Variants in TMCO6 observed in about 807,000 individuals in gnomAD.
TMCO6 encodes the protein transmembrane and coiled-coil domains 6.
Under a neutral mutation model 61.8 loss-of-function variants are expected in TMCO6, and 47 were observed. The ratio of observed to expected loss-of-function variants is 0.76; its 90% CI spans 0.60 to 0.97. The LOEUF (loss-of-function observed/expected upper bound fraction) is 0.97. TMCO6 is among the 50% of genes least tolerant of loss of function. TMCO6 has a pLI of 0.00. For synonymous variants in TMCO6, 261 were observed against 254.2 expected, an observed-to-expected ratio of 1.03 and a Z score of -0.25; for missense variants, 557 against 601.6, an observed-to-expected ratio of 0.93 and a Z score of 0.78.
At chr5:140,605,692 AACACACACACACACACAC>A in the TMCO6 span, among the ~76,000 whole-genome samples, 4,512 of 118,664 alleles carry the variant, frequency 0.038, 228 homozygotes, top group African/African-American at 0.12. Context: ...AAAAAAACAA[AACACACACACACACACAC>A]ACACACACAC....
the TMCO6 span, chr5:140,632,417 C>T: frequency 4.3e-6 from 7 of 1,614,210 alleles, no homozygotes; most frequent in Non-Finnish European, 5.9e-6. The surrounding 1 kb of genome is among the most constrained non-coding windows in gnomAD (Gnocchi z 6.2). Flanking sequence ...AGGCGCGAAC[C>T]TGTTCGCAGG....
the TMCO6 span, among the ~76,000 whole-genome samples, chr5:140,607,167 A>G: frequency 6.6e-6 from 1 of 151,982 alleles, no homozygotes; most frequent in Non-Finnish European, 1.5e-5. Flanking sequence ...CTAAACAGAA[A>G]CTCTGTACCC....
the TMCO6 span, among the ~76,000 whole-genome samples, chr5:140,606,625 C>G: frequency 6.6e-6 from 1 of 152,064 alleles, no homozygotes; most frequent in Non-Finnish European, 1.5e-5. Flanking sequence ...TATAATGGAG[C>G]AGAAAAATCT....
In TMCO6 at chr5:140,641,693, G is replaced by C; in HGVS notation, c.227G>C (p.Arg76Pro). The C allele has an allele frequency of 1.9e-6, 3 of 1,614,108 alleles. No homozygotes were observed. The highest frequency in any genetic ancestry group is 2.5e-6 in the Non-Finnish European group (3 of 1,180,022). Reference protein sequence around the residue: ...EVQQFLRQAQRGTEEKEREGA... With the variant: ...EVQQFLRQAQPGTEEKEREGA... Reference sequence around the variant, plus strand: ...CAGCAGTTCCTGCGGCAAGCCCAGCGGGGGACAGAGGAAAAGGAGAGAGAG... The same window carrying C: ...CAGCAGTTCCTGCGGCAAGCCCAGCCGGGGACAGAGGAAAAGGAGAGAGAG... Residue 76 changes from arginine (R) to proline (P), a missense_variant, in exon 3 of 12, where the codon CGG (arginine) becomes CCG (proline). Physicochemically the swap from Arg to Pro is moderately radical, Grantham distance 103. Coordinates refer to ENST00000394671, the MANE Select transcript of TMCO6 (RefSeq NM_018502.5).
chr5:140,633,088 G>A, the TMCO6 span: 2 of 1,614,016 alleles, frequency 1.2e-6, no homozygotes, highest in Admixed American at 3.3e-5. Context: ...TAAGTCTTCC[G>A]AACCTCTGAG....
chr5:140,605,809 T>G, the TMCO6 span, among the ~76,000 whole-genome samples: 1 of 152,140 alleles, frequency 6.6e-6, no homozygotes, highest in Non-Finnish European at 1.5e-5. Context: ...TAAGTCTTTT[T>G]AATATTTGGT....
chr5:140,632,730 G>A, the TMCO6 span: 3 of 1,613,568 alleles, frequency 1.9e-6, no homozygotes, highest in Non-Finnish European at 2.5e-6. The surrounding 1 kb of genome is among the most constrained non-coding windows in gnomAD (Gnocchi z 6.2). Flanking sequence ...AGCCTTGACC[G>A]TGTCAGCATA....
chr5:140,630,546 T>A, the TMCO6 span, among the ~76,000 whole-genome samples: 252 of 152,314 alleles, frequency 1.7e-3, no homozygotes, highest in Non-Finnish European at 2.3e-3. Flanking sequence ...ATTTCAGGCT[T>A]TAGCACAAGG....
chr5:140,614,889 C>T, the TMCO6 span, among the ~76,000 whole-genome samples: 1 of 152,180 alleles, frequency 6.6e-6, no homozygotes, highest in Admixed American at 6.5e-5. Context: ...GCATGAGCCA[C>T]CTCGCCCAGC....
At chr5:140,647,387 G>A (rs1581476251), downstream of TMCO6, 1 of 1,611,080 alleles carries the variant, frequency 6.2e-7, no homozygotes. Context: ...AGAGCGCCGC[G>A]CGTGCTGTGG....
chr5:140,620,874 G>A, the TMCO6 span, among the ~76,000 whole-genome samples: 159 of 152,144 alleles, frequency 1.0e-3, 1 homozygote, highest in Middle Eastern at 3.4e-3. Flanking sequence ...TTAGCCAGGC[G>A]TGGTGACATG....
chr5:140,641,392 T>A, intron 2 of TMCO6: 1 of 413,412 alleles, frequency 2.4e-6, no homozygotes, highest in South Asian at 3.1e-5. Context: ...AAGAACCCTG[T>A]ATGAAGGCAG....
chr5:140,635,624 T>C (rs997079602), upstream of TMCO6, among the ~76,000 whole-genome samples: 4 of 152,124 alleles, frequency 2.6e-5, no homozygotes, highest in Non-Finnish European at 5.9e-5. Flanking sequence ...CTAGGGTTGG[T>C]AGAAAGCCCT....
chr5:140,642,061 C>T lies in TMCO6; in HGVS notation c.498+8C>T. 3.1e-6 allele frequency: 5 copies of T among 1,592,850 alleles called. No homozygotes were observed. The highest frequency in any genetic ancestry group is 1.1e-5 in the South Asian group (1 of 90,434). On this transcript the variant is annotated splice_region_variant and intron_variant, in intron 4 of 11. Transcript: ENST00000394671. ...CACAGCTCAGACTTCATAGTAAGCC[C>T]TGTCCCTTCCTATCTTGTTCTTGGT...
chr5:140,599,304 G>T, the TMCO6 span, among the ~76,000 whole-genome samples: 2 of 152,126 alleles, frequency 1.3e-5, no homozygotes, highest in African/African-American at 4.8e-5. Context: ...CTTCTATTGG[G>T]CATTGATATG....
rs1757079643 is a variant in TMCO6, at chr5:140,642,165, A to G, written c.498+112A>G. ...AGAAAACATGTTTGCCCTTATGCCT[A>G]CAGCCATGGCTACACCCATCATCTC... On this transcript the variant is annotated intron_variant, in intron 4 of 11. Coordinates refer to ENST00000394671, the MANE Select transcript of TMCO6 (RefSeq NM_018502.5). The G allele has an allele frequency of 3.4e-6, 5 of 1,459,470 alleles. No homozygotes were observed. The Admixed American group carries it at 9.5e-5, about 28-fold the overall frequency. 90.4% of individuals were successfully genotyped at this position (1,459,470 alleles called of 1,614,324 possible).
At chr5:140,639,676 C>G (rs1046558534) in intron 1 of TMCO6, 63 bp from the exon 2 acceptor site, 2 of 1,545,338 alleles carry the variant, frequency 1.3e-6, no homozygotes, top group Non-Finnish European at 1.8e-6. Flanking sequence ...ACCCCAGGCT[C>G]GGAGCCGCGG....
chr5:140,618,024 A>C, the TMCO6 span, among the ~76,000 whole-genome samples: 1 of 152,178 alleles, frequency 6.6e-6, no homozygotes, highest in African/African-American at 2.4e-5. Flanking sequence ...AGATACTATA[A>C]AGCTACAGTA....
At chr5:140,632,860 G>A in the TMCO6 span, 3 of 1,614,044 alleles carry the variant, frequency 1.9e-6, no homozygotes, top group Admixed American at 1.7e-5. This position sits in a 1 kb window ranked among gnomAD's most constrained non-coding sequence, Gnocchi z 6.2. Context: ...CAGTCGGGCT[G>A]AGGTTCGGAG....
Sources: gnomAD v4.1 joint callset for allele counts (sites outside exome capture counted in the v4.1 genomes callset) on GRCh38, gnomAD v4.1.1 for gene constraint, Gnocchi (gnomAD v3.1) non-coding constraint, MANE v1.5 for transcripts, NCBI Gene and HGNC (gene_info 2026-07-23, HGNC 2026-07-21) for gene names.